The following DPP10 variants were observed in gnomAD, a reference collection of about 807,000 sequenced individuals.
The protein encoded by DPP10 is dipeptidyl peptidase like 10.
In DPP10, 33 loss-of-function variants were observed where a neutral mutation model predicts 120.9. The observed-to-expected ratio is 0.27, with a 90% confidence interval of 0.21 to 0.37. The LOEUF is 0.37. Among genes scored for constraint, DPP10 ranks in the 10% least tolerant of loss-of-function variants. DPP10 has a pLI of 1.00. For synonymous variants in DPP10, 337 were observed against 326.1 expected, an observed-to-expected ratio of 1.03 and a Z score of -0.36; for missense variants, 816 against 942.8, an observed-to-expected ratio of 0.87 and a Z score of 1.76.
intron 1 of DPP10, among the ~76,000 whole-genome samples, chr2:114,587,439 T>C (rs1164445448): frequency 2.6e-5 from 4 of 152,138 alleles, no homozygotes; most frequent in Admixed American, 6.5e-5. Context: ...AACTGATTTT[T>C]TTTTTCATAG....
At chr2:114,619,396 T>C (rs1447220243) in intron 1 of DPP10, among the ~76,000 whole-genome samples, 1 of 151,708 alleles carries the variant, frequency 6.6e-6, no homozygotes, top group Admixed American at 6.6e-5. Context: ...TGTGTGTGTG[T>C]GTGTGTGTGT....
intron 1 of DPP10, among the ~76,000 whole-genome samples, chr2:114,971,695 G>T (rs1699406037): frequency 1.3e-5 from 2 of 152,124 alleles, no homozygotes; most frequent in South Asian, 4.1e-4. Flanking sequence ...ACAGGAAAAG[G>T]GGGGCAAGGG....
rs570179042 is a variant in DPP10, at chr2:114,707,569, C to T, written c.60+264731C>T. ...GAGGCCATTGGTTTCATGGAAATAA[C>T]CGTGCATCACTTGGGGCTCAATAGC... On this transcript the variant is annotated intron_variant, in intron 1 of 25. Coordinates refer to ENST00000410059, the MANE Select transcript of DPP10 (RefSeq NM_020868.6). Among the ~76,000 whole-genome samples, 9 of 152,258 alleles carry T rather than the reference C, an allele frequency of 5.9e-5. No homozygotes were observed. In the South Asian group the frequency reaches 1.2e-3, roughly 21 times the overall value.
chr2:114,571,790 C>T (rs990729787), intron 1 of DPP10, among the ~76,000 whole-genome samples: 13 of 149,952 alleles, frequency 8.7e-5, no homozygotes, highest in Non-Finnish European at 1.3e-4. Flanking sequence ...TAATATAATA[C>T]AATATTTATA....
intron 1 of DPP10, among the ~76,000 whole-genome samples, chr2:114,489,960 A>T (rs931002308): frequency 6.6e-6 from 1 of 152,228 alleles, no homozygotes; most frequent in African/African-American, 2.4e-5. Flanking sequence ...AACCCTTAAC[A>T]AATGTCTGAA....
At chr2:115,507,547 A>T (rs2077012058) in intron 4 of DPP10, among the ~76,000 whole-genome samples, 11 of 152,170 alleles carry the variant, frequency 7.2e-5, no homozygotes, top group Admixed American at 7.2e-4. Flanking sequence ...GCCAGTAATT[A>T]CAAACAACAT....
chr2:115,823,125 A>G (rs1687973079), intron 21 of DPP10, among the ~76,000 whole-genome samples: 2 of 152,014 alleles, frequency 1.3e-5, no homozygotes, highest in South Asian at 4.1e-4. Context: ...TCTCTCAGTC[A>G]TGGTGATACT....
chr2:115,581,653 T>C (rs1023079655), intron 5 of DPP10, among the ~76,000 whole-genome samples: 3 of 152,182 alleles, frequency 2.0e-5, no homozygotes, highest in Admixed American at 2.0e-4. Flanking sequence ...TATTACTTCA[T>C]TAATTTTACT....
intron 1 of DPP10, among the ~76,000 whole-genome samples, chr2:114,526,964 C>T (rs1489583164): frequency 2.0e-5 from 3 of 152,136 alleles, no homozygotes; most frequent in Non-Finnish European, 2.9e-5. Flanking sequence ...TTAACTTTTC[C>T]TGTAATCCTC....
At chr2:114,564,109 C>T (rs1290183305) in intron 1 of DPP10, among the ~76,000 whole-genome samples, 2 of 152,088 alleles carry the variant, frequency 1.3e-5, no homozygotes, top group Middle Eastern at 3.2e-3. Context: ...CCAACGCTGT[C>T]CTGTGCGGAG....
chr2:115,522,277 T>C (rs1000506889), intron 4 of DPP10, among the ~76,000 whole-genome samples: 1 of 152,120 alleles, frequency 6.6e-6, no homozygotes, highest in African/African-American at 2.4e-5. Context: ...TACCCAGTGG[T>C]TTCAAGCAAC....
chr2:115,204,146 TAAA>T (rs1459863375), intron 1 of DPP10, among the ~76,000 whole-genome samples: 1 of 152,158 alleles, frequency 6.6e-6, no homozygotes, highest in Non-Finnish European at 1.5e-5. Context: ...CTTCTACAGT[TAAA>T]AATCCATTAA....
rs150390072 is a variant in DPP10, at chr2:114,874,822, G to T, written c.60+431984G>T. The stretch of plus-strand genomic sequence containing the variant: ...GACAAGGAAATTGAAGCTTATTATT[G>T]TAACTTGTGTCTAAAGCTTGTGAAT... On this transcript the variant is annotated intron_variant, in intron 1 of 25. Transcript: ENST00000410059. 3.3e-5 allele frequency among the ~76,000 whole-genome samples: 5 copies of T among 152,176 alleles called. No individual in the cohort carries two copies. The East Asian group carries it at 9.7e-4, about 30-fold the overall frequency.
At chr2:114,943,565 C>A (rs1347545207) in intron 1 of DPP10, among the ~76,000 whole-genome samples, 2 of 152,162 alleles carry the variant, frequency 1.3e-5, no homozygotes, top group Non-Finnish European at 2.9e-5. Flanking sequence ...AGCCACCATA[C>A]CCGGCCATGT....
Position 115,358,788 on chromosome 2 carries a change from A to C in DPP10, c.271+14876A>C, listed in dbSNP as rs116700755. ...CCTGGGAAGGCCTCAGGCAACTTAC[A>C]ATTATGGTAGAAGGGGAAGCAAACA... On this transcript the variant is annotated intron_variant, in intron 3 of 25. Transcript: ENST00000410059. 3.7e-3 allele frequency among the ~76,000 whole-genome samples: 567 copies of C among 152,266 alleles called. 4 individuals are homozygous for C. Among genetic ancestry groups the C allele is most frequent in the African/African-American group, 0.012 (502 of 41,558 alleles).
chr2:115,729,165 C>A (rs2092837915), intron 8 of DPP10, among the ~76,000 whole-genome samples: 1 of 152,136 alleles, frequency 6.6e-6, no homozygotes, highest in Admixed American at 6.5e-5. Context: ...CTAAATCTGG[C>A]TTTTCTATTT....
At chr2:114,522,907 A>G (rs573873282) in intron 1 of DPP10, among the ~76,000 whole-genome samples, 1 of 152,316 alleles carries the variant, frequency 6.6e-6, no homozygotes, top group Admixed American at 6.5e-5. Context: ...CTCTCATGAG[A>G]ACAGCATGGA....
intron 1 of DPP10, among the ~76,000 whole-genome samples, chr2:114,728,815 T>C (rs747084778): frequency 1.3e-5 from 2 of 152,078 alleles, no homozygotes; most frequent in African/African-American, 4.8e-5. Context: ...CGTATGGGGG[T>C]GGTGCTTGAG....
At chr2:115,513,298 G>A (rs1331056181) in intron 4 of DPP10, among the ~76,000 whole-genome samples, 1 of 151,640 alleles carries the variant, frequency 6.6e-6, no homozygotes, top group Non-Finnish European at 1.5e-5. Flanking sequence ...TTTGTATACA[G>A]CATATAATTA....
Sources: allele counts gnomAD v4.1 joint callset (sites outside exome capture counted in the v4.1 genomes callset), GRCh38; gene constraint gnomAD v4.1.1; transcripts MANE v1.5; gene names NCBI Gene and HGNC (gene_info 2026-07-23, HGNC 2026-07-21).